The following HK1 variants were observed in gnomAD, a reference collection of about 807,000 sequenced individuals.
HK1 encodes the protein hexokinase 1, also known as hexokinase-1.
HK1 carries 28 observed loss-of-function variants against 91.6 expected under a neutral mutation model. The ratio of observed to expected loss-of-function variants is 0.31; its 90% confidence interval spans 0.23 to 0.42. The LOEUF (loss-of-function observed/expected upper bound fraction) is 0.42, where lower values mean the gene tolerates loss of function less well. Among genes scored for constraint, HK1 ranks in the 10% least tolerant of loss-of-function variants. The probability of loss-of-function intolerance (pLI) is 1.00; values close to 1 mark genes in which losing one functional copy is unlikely to be tolerated. For synonymous variants in HK1, 430 were observed against 468.1 expected (o/e 0.92, Z 1.05); for missense variants, 770 against 1,219.8 (o/e 0.63, Z 5.49).
At chr10:69,378,317 A>T (rs981362760) in intron 8 of HK1, among the ~76,000 whole-genome samples, 6 of 152,056 alleles carry the variant, frequency 3.9e-5, no homozygotes, top group Non-Finnish European at 8.8e-5. Context: ...CTCAAAAAAA[A>T]AAAAACTATA....
At chr10:69,273,003 T>C (rs950836838) in intron 1 of HK1, among the ~76,000 whole-genome samples, 2 of 151,670 alleles carry the variant, frequency 1.3e-5, no homozygotes, top group South Asian at 4.2e-4. Flanking sequence ...GTGCTTCCGT[T>C]TGCATAATTC....
intron 17 of HK1, 108 bp downstream of exon 17, chr10:69,398,936 C>G (rs1311569408): frequency 7.6e-6 from 6 of 790,412 alleles, no homozygotes; most frequent in Non-Finnish European, 1.1e-5. Context: ...GGAGCCCAGC[C>G]AGGCTGAAGG....
At chr10:69,352,414 A>G (rs80063727) in intron 2 of HK1, among the ~76,000 whole-genome samples, 6,751 of 152,266 alleles carry the variant, frequency 0.044, 507 homozygotes, top group African/African-American at 0.15. Flanking sequence ...CAGAATTTCC[A>G]CCAAATCTAT....
At chr10:69,293,732 G>A (rs975613012) in intron 3 of HK1, among the ~76,000 whole-genome samples, 2 of 152,082 alleles carry the variant, frequency 1.3e-5, no homozygotes, top group African/African-American at 2.4e-5. Context: ...GGCAAGGGTG[G>A]TAACTGGGCC....
chr10:69,303,818 T>C (rs1037344928), intron 5 of HK1, among the ~76,000 whole-genome samples: 2 of 152,242 alleles, frequency 1.3e-5, no homozygotes, highest in African/African-American at 2.4e-5. Flanking sequence ...ACTGGGGTTT[T>C]ACTATTACTC....
chr10:69,398,516 G>A, intron 16 of HK1, 79 bp from the exon 17 acceptor site: 2 of 999,372 alleles, frequency 2.0e-6, no homozygotes, highest in Middle Eastern at 2.0e-4. Flanking sequence ...TGGGGGCGGG[G>A]GGCGTCCTTT....
In HK1 at chr10:69,350,490, G is replaced by A. The variant is rs148998988; in HGVS notation, c.226+6501G>A. Among the ~76,000 whole-genome samples, 288 of 152,020 alleles carry A rather than the reference G, an allele frequency of 1.9e-3. 4 individuals are homozygous for A. The East Asian group carries it at 0.02, about 10-fold the overall frequency. ...ATCCTGGCCAAAATGGTGAAACTCC[G>A]TCTCTACTAAAAAATACAAAAATTA... On this transcript the variant is annotated intron_variant, in intron 2 of 17. Transcript: ENST00000359426.
intron 4 of HK1, chr10:69,300,500 C>G (rs955841682): frequency 2.5e-6 from 2 of 792,052 alleles, no homozygotes; most frequent in Middle Eastern, 3.8e-4. Context: ...ATGATGCCAG[C>G]TGAGACTGTC....
upstream of HK1, chr10:69,318,744 G>A (rs1846805038): frequency 1.0e-6 from 1 of 1,003,720 alleles, no homozygotes; most frequent in South Asian, 2.1e-5. Context: ...GAGGTGGGTC[G>A]GCTGGCGGCT....
chr10:69,338,541 G>T (rs1161455073), intron 1 of HK1: 52 of 1,289,654 alleles, frequency 4.0e-5, no homozygotes, highest in Non-Finnish European at 5.0e-5. Context: ...GCTGGAAGTG[G>T]TGCTGTGCGG....
In HK1 at chr10:69,369,975, C is replaced by T. The variant is rs1450536466; in HGVS notation, c.875+351C>T. On this transcript the variant is annotated intron_variant, in intron 7 of 17. Transcript: ENST00000359426. The surrounding 1 kb of genome is among the most constrained non-coding windows in gnomAD (Gnocchi z 4.4). ...CTGGTCTCAAACTCCTGACTTCAAG[C>T]GATCTGCCTGCCTCAGCCTCCCAAA... 1.3e-5 allele frequency among the ~76,000 whole-genome samples: 2 copies of T among 152,102 alleles called. No homozygotes were observed. Among genetic ancestry groups the T allele is most frequent in the African/African-American group, 2.4e-5 (1 of 41,414 alleles).
intron 14 of HK1, among the ~76,000 whole-genome samples, chr10:69,390,698 C>T (rs1044741189): frequency 6.6e-6 from 1 of 152,230 alleles, no homozygotes; most frequent in Non-Finnish European, 1.5e-5. Context: ...AGTTCACCTA[C>T]ATCCCACCCT....
chr10:69,361,790 A>G (rs1849434516), intron 3 of HK1, among the ~76,000 whole-genome samples: 1 of 152,162 alleles, frequency 6.6e-6, no homozygotes, highest in Non-Finnish European at 1.5e-5. Context: ...TAATCATGAT[A>G]ATGTAGTACC....
At chr10:69,372,132 G>A (rs1468560456) in intron 7 of HK1, among the ~76,000 whole-genome samples, 2 of 152,168 alleles carry the variant, frequency 1.3e-5, no homozygotes, top group African/African-American at 4.8e-5. Flanking sequence ...AAAACCATCA[G>A]GTCTTGTGAG....
chr10:69,314,528 T>C (rs1325116399), upstream of HK1, among the ~76,000 whole-genome samples: 1 of 152,248 alleles, frequency 6.6e-6, no homozygotes, highest in African/African-American at 2.4e-5. Context: ...GCACTGGTCT[T>C]AATTTTCGTT....
chr10:69,387,300 CT>C (rs1363644433), intron 13 of HK1, among the ~76,000 whole-genome samples: 1 of 152,018 alleles, frequency 6.6e-6, no homozygotes, highest in African/African-American at 2.4e-5. Flanking sequence ...TTAAAGTTTC[CT>C]TTTTTGAGAC....
chr10:69,332,641 T>C lies in HK1; in HGVS notation c.64-11186T>C, dbSNP rs191194611. 4.7e-3 allele frequency among the ~76,000 whole-genome samples: 710 copies of C among 152,180 alleles called. 2 individuals carry two copies. The highest frequency in any genetic ancestry group is 0.017 in the African/African-American group (688 of 41,532). ...ATCCACCCACCTCAGCCTCCCAAAG[T>C]GCTGGGATTACAGGTGTCAGCCATT... On this transcript the variant is annotated intron_variant, in intron 1 of 17. Transcript: ENST00000359426.
intron 3 of HK1, 148 bp downstream of exon 3, chr10:69,360,193 C>T: frequency 1.3e-6 from 1 of 780,078 alleles, no homozygotes; most frequent in East Asian, 2.7e-5. Flanking sequence ...TAAAAGGACT[C>T]CTGGGCAGAG....
At chr10:69,280,590 C>T (rs1844697962) in intron 1 of HK1, among the ~76,000 whole-genome samples, 1 of 152,182 alleles carries the variant, frequency 6.6e-6, no homozygotes, top group African/African-American at 2.4e-5. Flanking sequence ...GTGGAGCCCT[C>T]ACGAATGTGA....
Sources: allele counts gnomAD v4.1 joint callset (sites outside exome capture counted in the v4.1 genomes callset), GRCh38; gene constraint gnomAD v4.1.1; non-coding constraint Gnocchi (gnomAD v3.1); transcripts MANE v1.5; gene names NCBI Gene and HGNC (gene_info 2026-07-23, HGNC 2026-07-21).